Variants in ENOX2 observed in about 807,000 individuals in gnomAD.
The protein encoded by ENOX2 is ecto-NOX disulfide-thiol exchanger 2, also known as APK1 antigen.
ENOX2 carries 36 observed loss-of-function variants against 45.0 expected under a neutral mutation model. That is an observed-to-expected ratio of 0.80 (90% CI 0.61 to 1.06). ENOX2 has a LOEUF of 1.06. Among genes scored for constraint, ENOX2 ranks in the 50% least tolerant of loss-of-function variants. The probability of loss-of-function intolerance (pLI) is 0.00; values close to 1 mark genes in which losing one functional copy is unlikely to be tolerated. For synonymous variants in ENOX2, 174 were observed against 152.3 expected (o/e 1.14, Z -1.05); for missense variants, 423 against 462.5 (o/e 0.91, Z 0.78).
intron 7 of ENOX2, among the ~76,000 whole-genome samples, chrX:130,668,994 T>C (rs1488372668): frequency 8.9e-6 from 1 of 112,477 alleles, no homozygotes; most frequent in Non-Finnish European, 1.9e-5. Context: ...TTCTGGACTC[T>C]AGGTTTTCTG....
chrX:130,826,919 T>C (rs982155802), intron 2 of ENOX2, among the ~76,000 whole-genome samples: 1 of 111,868 alleles, frequency 8.9e-6, no homozygotes, highest in Non-Finnish European at 1.9e-5. Context: ...AGCCTGTGTG[T>C]TGATGGACAC....
intron 2 of ENOX2, among the ~76,000 whole-genome samples, chrX:130,854,085 A>C (rs2078265235): frequency 8.9e-6 from 1 of 112,312 alleles, no homozygotes; most frequent in Non-Finnish European, 1.9e-5. Context: ...AAACACCAAG[A>C]TGACACAGAC....
chrX:130,896,864 C>T (rs1158645450), intron 2 of ENOX2, among the ~76,000 whole-genome samples: 1 of 111,739 alleles, frequency 8.9e-6, no homozygotes, highest in Non-Finnish European at 1.9e-5. Context: ...ACCACTGATA[C>T]GTTATTGTAG....
intron 4 of ENOX2, among the ~76,000 whole-genome samples, chrX:130,699,356 T>C (rs1485390753): frequency 1.8e-5 from 2 of 112,110 alleles, no homozygotes; most frequent in African/African-American, 3.2e-5. Context: ...CATGACAGTA[T>C]AGATTAGAGG....
intron 3 of ENOX2, among the ~76,000 whole-genome samples, chrX:130,713,912 T>A (rs905996168): frequency 9.0e-6 from 1 of 110,708 alleles, no homozygotes; most frequent in African/African-American, 3.3e-5. Context: ...ATCAACTAAC[T>A]GCATTTCAGG....
chrX:130,892,730 A>G (rs2079003163), intron 2 of ENOX2, among the ~76,000 whole-genome samples: 2 of 112,911 alleles, frequency 1.8e-5, no homozygotes, highest in African/African-American at 6.4e-5. Flanking sequence ...CACAGACTAG[A>G]GTTTTGGCAA....
chrX:130,827,582 AT>A (rs1463201599), intron 2 of ENOX2, among the ~76,000 whole-genome samples: 1 of 111,039 alleles, frequency 9.0e-6, no homozygotes, highest in Non-Finnish European at 1.9e-5. Context: ...TGATTATTAT[AT>A]TTTTCCCCCA....
chrX:130,712,472 C>T (rs907320755), intron 3 of ENOX2, among the ~76,000 whole-genome samples: 4 of 111,730 alleles, frequency 3.6e-5, no homozygotes, highest in Admixed American at 1.9e-4. Flanking sequence ...CAGGCATGTG[C>T]ATTAAGAGAC....
At chrX:130,902,637 C>T (rs772483494) in intron 1 of ENOX2, among the ~76,000 whole-genome samples, 56 of 108,846 alleles carry the variant, frequency 5.1e-4, no homozygotes, top group African/African-American at 1.7e-3. Flanking sequence ...ACCTGAAATA[C>T]AAATTGAGGG....
At chrX:130,706,074 AT>A (rs959655266) in intron 3 of ENOX2, among the ~76,000 whole-genome samples, 1 of 111,863 alleles carries the variant, frequency 8.9e-6, no homozygotes, top group African/African-American at 3.2e-5. Flanking sequence ...TTCTCATAAC[AT>A]TTTATCTAGA....
At chrX:130,753,484 C>T (rs746651206) in intron 3 of ENOX2, among the ~76,000 whole-genome samples, 18 of 111,266 alleles carry the variant, frequency 1.6e-4, no homozygotes, top group Non-Finnish European at 3.4e-4. Flanking sequence ...CTGGCTCTGT[C>T]TCTCCTTCTT....
chrX:130,735,291 C>A (rs1361269595), intron 3 of ENOX2, among the ~76,000 whole-genome samples: 6 of 112,109 alleles, frequency 5.4e-5, no homozygotes, highest in Non-Finnish European at 1.1e-4. Flanking sequence ...TTAAATAGAG[C>A]CTTCCAGTTT....
chrX:130,785,279 C>T (rs1325698362), intron 2 of ENOX2, among the ~76,000 whole-genome samples: 1 of 103,995 alleles, frequency 9.6e-6, no homozygotes, highest in Non-Finnish European at 1.9e-5. Flanking sequence ...GAGCCGAGAT[C>T]GTGCCATTGC....
intron 2 of ENOX2, among the ~76,000 whole-genome samples, chrX:130,878,666 G>C (rs1225398674): frequency 1.8e-5 from 2 of 111,788 alleles, no homozygotes; most frequent in African/African-American, 3.3e-5. Context: ...CAGTTCCAGA[G>C]AATGGAAACT....
At chrX:130,648,827 G>A (rs1407870493) in intron 10 of ENOX2, among the ~76,000 whole-genome samples, 1 of 107,821 alleles carries the variant, frequency 9.3e-6, no homozygotes, top group Non-Finnish European at 1.9e-5. Flanking sequence ...AGGCTGGTGG[G>A]TCACGAGGTC....
At position 130,678,019 on chromosome X, in the gene ENOX2, G is replaced by A. The variant is rs754360783; in HGVS notation, c.460+1523C>T. 3.8e-3 allele frequency among the ~76,000 whole-genome samples: 415 copies of A among 108,848 alleles called. 3 individuals carry two copies. The highest frequency in any genetic ancestry group is 0.013 in the African/African-American group (399 of 29,826). 94.5% of individuals were successfully genotyped at this position (108,848 alleles called of 115,157 possible). A position where few individuals can be genotyped will look rare whatever the true frequency, so the allele number is the denominator to read the frequency against. The stretch of plus-strand genomic sequence containing the variant: ...GGAGAATTGCTTGAACCCAGGAGGC[G>A]GAGGTTGCGGTGAGCCAAAATCACA... On this transcript the variant is annotated intron_variant, in intron 6 of 14. Coordinates refer to ENST00000394363, the MANE Select transcript of ENOX2 (RefSeq NM_006375.4).
At chrX:130,810,239 G>A (rs769695377) in intron 2 of ENOX2, among the ~76,000 whole-genome samples, 18 of 110,688 alleles carry the variant, frequency 1.6e-4, no homozygotes, top group Middle Eastern at 4.6e-3. Flanking sequence ...CTTTAGGCTG[G>A]TACTCACAGA....
chrX:130,834,498 G>A (rs750988810), intron 2 of ENOX2, among the ~76,000 whole-genome samples: 15 of 110,632 alleles, frequency 1.4e-4, no homozygotes, highest in Non-Finnish European at 2.5e-4. Context: ...TGAGAAAGGA[G>A]GATAGCTGGG....
At chrX:130,889,334 C>T (rs754567694) in intron 2 of ENOX2, among the ~76,000 whole-genome samples, 1 of 112,202 alleles carries the variant, frequency 8.9e-6, no homozygotes, top group African/African-American at 3.2e-5. Flanking sequence ...GTCAGCTCCT[C>T]TTGGTCCCAT....
Sources: allele counts gnomAD v4.1 joint callset (sites outside exome capture counted in the v4.1 genomes callset), GRCh38; gene constraint gnomAD v4.1.1; transcripts MANE v1.5; gene names NCBI Gene and HGNC (gene_info 2026-07-23, HGNC 2026-07-21).